Variants in ZNF117 observed in about 807,000 individuals in gnomAD.
ZNF117 encodes the protein Krueppel-related zinc finger protein.
A neutral mutation model predicts 41.2 loss-of-function variants in ZNF117; 37 were observed. The ratio of observed to expected loss-of-function variants is 0.90; its 90% confidence interval spans 0.69 to 1.18. ZNF117 has a LOEUF of 1.18. ZNF117 is among the 50% of genes most tolerant of loss of function. The pLI, the probability that ZNF117 is intolerant of heterozygous loss-of-function variation, is 0.00. For synonymous variants in ZNF117, 186 were observed against 186.6 expected, an observed-to-expected ratio of 1.00 and a Z score of 0.02; for missense variants, 546 against 557.5, an observed-to-expected ratio of 0.98 and a Z score of 0.21.
At chr7:64,979,295 T>C in exon 3 of ZNF117, 1 of 1,589,094 alleles carries the variant, frequency 6.3e-7, no homozygotes. Context: ...AATTTGAAAT[T>C]TTATGGAAAA....
chr7:64,988,523 C>T (rs958574863), intron 1 of ZNF117, among the ~76,000 whole-genome samples: 2 of 152,184 alleles, frequency 1.3e-5, no homozygotes, highest in Non-Finnish European at 2.9e-5. Context: ...GGAAGCATTT[C>T]TCCATGAAAA....
downstream of ZNF117, chr7:64,973,766 T>A (rs1785820734): frequency 6.6e-6 from 1 of 151,772 alleles, no homozygotes; most frequent in Admixed American, 6.6e-5. Context: ...CAAACAAAAC[T>A]AAAGGTAATT....
In ZNF117 at chr7:64,980,371, C is replaced by T. The variant is rs377521341; in HGVS notation, c.35-835G>A. 41 of 151,782 alleles carry T rather than the reference C, an allele frequency of 2.7e-4. No homozygotes were observed. In the East Asian group the frequency reaches 5.4e-3, roughly 20 times the overall value. The allele number at this position is 151,782 out of a possible 1,614,324, so 9.4% of individuals were successfully genotyped here. A position where few individuals can be genotyped will look rare whatever the true frequency, so the allele number is the denominator to read the frequency against. On this transcript the variant is annotated intron_variant, in intron 2 of 2. Transcript: ENST00000620222. ...TATTATAAAATTTTCAGAAAGCAAC[C>T]ATTAAAAAATTAATTTTAAAAAGTT...
chr7:64,987,927 G>A (rs11978819), intron 1 of ZNF117, among the ~76,000 whole-genome samples: 136,135 of 151,568 alleles, frequency 0.9, 61,639 homozygotes, highest in South Asian at 0.97. Context: ...TCTCTGAGTA[G>A]ACCAATAACA....
chr7:64,972,167 G>A (rs916252149), downstream of ZNF117: 2 of 152,032 alleles, frequency 1.3e-5, no homozygotes, highest in African/African-American at 4.8e-5. Flanking sequence ...AAAAAGAAAA[G>A]AAAGTGTTAG....
upstream of ZNF117, among the ~76,000 whole-genome samples, chr7:64,984,838 T>C (rs1049355569): frequency 1.6e-4 from 24 of 152,216 alleles, no homozygotes; most frequent in African/African-American, 5.3e-4. Context: ...TTGCCCAGGC[T>C]GGAGTGCAGT....
chr7:64,978,361 G>A (rs770796864), exon 3 of ZNF117: 1 of 1,613,566 alleles, frequency 6.2e-7, no homozygotes, highest in Non-Finnish European at 8.5e-7. Flanking sequence ...CATGTACTAA[G>A]TTTTGAGGAT....
chr7:64,983,726 C>T (rs1786079639), upstream of ZNF117, among the ~76,000 whole-genome samples: 1 of 152,198 alleles, frequency 6.6e-6, no homozygotes, highest in Admixed American at 6.5e-5. Context: ...ACCACACCCA[C>T]AGAGATAGAC....
Position 64,978,544 on chromosome 7 carries a change from TA to T in ZNF117, c.1026del (p.Phe342LeufsTer12), listed in dbSNP as rs746780564. ...TGTCTAGTAAGGTTTGAGAGTTGGT[TA>T]AAAGCTTTGCCACATTCCTCACATT... On this transcript the variant is annotated frameshift_variant, in exon 3 of 3. Coordinates refer to ENST00000620222, the Ensembl canonical transcript of ZNF117. LOFTEE classifies it high-confidence loss of function. The T allele has an allele frequency of 1.5e-5, 24 of 1,613,096 alleles. No individual in the cohort carries two copies. The highest frequency in any genetic ancestry group is 1.8e-5 in the Non-Finnish European group (21 of 1,179,730).
At chr7:64,981,899 T>C (rs147667278) in intron 1 of ZNF117, 85 bp downstream of exon 2, 18 of 430,306 alleles carry the variant, frequency 4.2e-5, no homozygotes, top group Middle Eastern at 6.5e-4. Flanking sequence ...ACTCAATTTA[T>C]GCAAAGCATA....
At chr7:64,972,228 TGAG>T (rs1201701351), downstream of ZNF117, 7 of 152,034 alleles carry the variant, frequency 4.6e-5, no homozygotes, top group Non-Finnish European at 8.8e-5. Context: ...TGAATGTGAA[TGAG>T]GAGAGTCACT....
At chr7:64,982,396 AAC>A (rs1206918070), upstream of ZNF117, among the ~76,000 whole-genome samples, 1 of 152,218 alleles carries the variant, frequency 6.6e-6, no homozygotes, top group African/African-American at 2.4e-5. Flanking sequence ...CATAAACGCC[AAC>A]ATGTCTATTT....
At chr7:64,976,525 G>T in exon 3 of ZNF117, 1 of 176,660 alleles carries the variant, frequency 5.7e-6, no homozygotes, top group Admixed American at 5.7e-5. Flanking sequence ...CTCTAATGTT[G>T]AGTAAGATGT....
At chr7:64,987,925 T>C (rs964756033) in intron 1 of ZNF117, among the ~76,000 whole-genome samples, 2 of 151,004 alleles carry the variant, frequency 1.3e-5, no homozygotes, top group African/African-American at 2.4e-5. Context: ...AATCTCTGAG[T>C]AGACCAATAA....
chr7:64,982,429 A>C (rs1021754630), upstream of ZNF117, among the ~76,000 whole-genome samples: 1 of 152,212 alleles, frequency 6.6e-6, no homozygotes, highest in East Asian at 1.9e-4. Flanking sequence ...TATCTGCATC[A>C]TACAGAATGA....
chr7:64,987,270 C>T (rs1016732155), intron 1 of ZNF117, among the ~76,000 whole-genome samples: 20 of 151,998 alleles, frequency 1.3e-4, no homozygotes, highest in African/African-American at 4.3e-4. Flanking sequence ...GTACAACATA[C>T]CAGAATCTCT....
chr7:64,975,726 TATAA>T (rs1417789990), exon 3 of ZNF117: 1 of 152,152 alleles, frequency 6.6e-6, no homozygotes, highest in Non-Finnish European at 1.5e-5. Flanking sequence ...TAAAGTTATA[TATAA>T]ATAATTTATC....
At chr7:64,978,230 A>G (rs779383740) in exon 3 of ZNF117, 2 of 1,613,206 alleles carry the variant, frequency 1.2e-6, no homozygotes, top group East Asian at 4.5e-5. Context: ...CACATTCTTC[A>G]CATTTGTAGG....
chr7:64,978,276 A>G, exon 3 of ZNF117: 1 of 1,595,586 alleles, frequency 6.3e-7, no homozygotes, highest in Non-Finnish European at 8.6e-7. Flanking sequence ...ATGTCCAATA[A>G]GGGTTGAAGA....
Sources: gnomAD v4.1 joint callset for allele counts (sites outside exome capture counted in the v4.1 genomes callset) on GRCh38, gnomAD v4.1.1 for gene constraint, MANE v1.5 for transcripts, NCBI Gene and HGNC (gene_info 2026-07-23, HGNC 2026-07-21) for gene names.